Variants in SHANK2 observed in about 807,000 individuals in gnomAD.
SHANK2 encodes the protein SH3 and multiple ankyrin repeat domains protein 2.
A neutral mutation model predicts 133.7 loss-of-function variants in SHANK2; 43 were observed. The ratio of observed to expected loss-of-function variants is 0.32; its 90% CI spans 0.25 to 0.41. The LOEUF (loss-of-function observed/expected upper bound fraction) is 0.41. Among genes scored for constraint, SHANK2 ranks in the 10% least tolerant of loss-of-function variants. The pLI is 1.00. For synonymous variants in SHANK2, 1,017 were observed against 952.8 expected, an observed-to-expected ratio of 1.07 and a Z score of -1.24; for missense variants, 1,994 against 2,235.8, an observed-to-expected ratio of 0.89 and a Z score of 2.18.
intron 11 of SHANK2, chr11:70,873,105 C>T: frequency 2.1e-6 from 1 of 471,250 alleles, no homozygotes; most frequent in Non-Finnish European, 4.4e-6. Context: ...GCAGCTTGGG[C>T]CCTGCAGTTT....
chr11:70,504,937 T>TTCAC (rs1248636518), intron 17 of SHANK2, among the ~76,000 whole-genome samples: 4 of 152,074 alleles, frequency 2.6e-5, no homozygotes, highest in Non-Finnish European at 5.9e-5. Flanking sequence ...CATTCATTCA[T>TTCAC]TCACTCATTC....
intron 14 of SHANK2, among the ~76,000 whole-genome samples, chr11:70,768,005 G>T (rs1947160522): frequency 6.6e-6 from 1 of 152,096 alleles, no homozygotes; most frequent in South Asian, 2.1e-4. Context: ...GCGGGGCAGG[G>T]TGCTAGAAAC....
intron 1 of SHANK2, among the ~76,000 whole-genome samples, chr11:71,237,316 T>G (rs963552480): frequency 3.9e-5 from 6 of 152,182 alleles, no homozygotes; most frequent in Non-Finnish European, 1.5e-5. Flanking sequence ...AGGGGCCAAT[T>G]CTAGCCCCAG....
chr11:70,902,429 C>T (rs146549257), intron 10 of SHANK2, among the ~76,000 whole-genome samples: 9 of 152,380 alleles, frequency 5.9e-5, no homozygotes, highest in Non-Finnish European at 1.2e-4. Flanking sequence ...GGCCGAGGTC[C>T]CAGCCCCTGC....
Position 70,471,536 on chromosome 11 carries a change from T to C in SHANK2, c.*1333A>G, listed in dbSNP as rs555803986. 5.0e-6 allele frequency: 2 copies of C among 397,378 alleles called. No individual in the cohort carries two copies. Among genetic ancestry groups the C allele is most frequent in the East Asian group, 7.1e-5 (2 of 28,062 alleles). 24.6% of individuals were successfully genotyped at this position (397,378 alleles called of 1,614,324 possible). On this transcript the variant is annotated 3_prime_UTR_variant, in exon 26 of 26. Transcript: ENST00000601538. The surrounding 1 kb of genome is among the most constrained non-coding windows in gnomAD (Gnocchi z 4.1). ...GGCTGACCTGGCAGCCCAGGAGACC[T>C]CCCTGCTTTCCTCTCCTCACGCCTC...
chr11:70,704,182 A>G (rs1394505195), intron 14 of SHANK2, among the ~76,000 whole-genome samples: 1 of 152,266 alleles, frequency 6.6e-6, no homozygotes, highest in African/African-American at 2.4e-5. Context: ...ACTGCCCTAG[A>G]GACACAGCTG....
At chr11:70,841,995 GC>G (rs1948914162) in intron 11 of SHANK2, among the ~76,000 whole-genome samples, 1 of 152,020 alleles carries the variant, frequency 6.6e-6, no homozygotes, top group Non-Finnish European at 1.5e-5. Context: ...GGACCTAACT[GC>G]CCTTCTCCCT....
chr11:71,064,226 A>T (rs1389945991), intron 9 of SHANK2, among the ~76,000 whole-genome samples: 1 of 152,154 alleles, frequency 6.6e-6, no homozygotes, highest in African/African-American at 2.4e-5. Flanking sequence ...TGGGCTGGAG[A>T]GGGGGCACAG....
intron 11 of SHANK2, among the ~76,000 whole-genome samples, chr11:70,825,281 T>G (rs1195606716): frequency 2.6e-5 from 4 of 152,180 alleles, no homozygotes; most frequent in African/African-American, 9.6e-5. Context: ...AACCCCCAAC[T>G]GAAATTTTCA....
At chr11:71,163,701 C>T (rs1953077117) in intron 2 of SHANK2, among the ~76,000 whole-genome samples, 1 of 152,172 alleles carries the variant, frequency 6.6e-6, no homozygotes, top group East Asian at 1.9e-4. Context: ...AGATAGTTTG[C>T]TTGTGCAAAA....
chr11:71,090,844 G>A (rs1951504741), intron 8 of SHANK2, among the ~76,000 whole-genome samples: 1 of 152,104 alleles, frequency 6.6e-6, no homozygotes, highest in South Asian at 2.1e-4. Flanking sequence ...GTGTTCAGCG[G>A]GAATCTGGAG....
In SHANK2 at chr11:70,829,736, C is replaced by T. The variant is rs182277664; in HGVS notation, c.1175-9054G>A. ...CTTTCAATAAGCAGACAACTTTTCCCGCCCACACTCGGAGGAGGCTGAGTA... is the reference window on the plus strand; with the variant it reads ...CTTTCAATAAGCAGACAACTTTTCCTGCCCACACTCGGAGGAGGCTGAGTA... On this transcript the variant is annotated intron_variant, in intron 11 of 25. Coordinates refer to ENST00000601538, the MANE Select transcript of SHANK2 (RefSeq NM_012309.5). Among the ~76,000 whole-genome samples, 418 of 152,320 alleles carry T rather than the reference C, an allele frequency of 2.7e-3. 1 individual carries two copies. The highest frequency in any genetic ancestry group is 9.7e-3 in the African/African-American group (404 of 41,564).
intron 15 of SHANK2, among the ~76,000 whole-genome samples, chr11:70,682,336 G>A (rs2134392138): frequency 6.6e-6 from 1 of 152,374 alleles, no homozygotes; most frequent in South Asian, 2.1e-4. Flanking sequence ...CAAACTGCAG[G>A]ATGCTGTGTG....
At chr11:70,583,021 G>T (rs1292451101) in intron 17 of SHANK2, among the ~76,000 whole-genome samples, 1 of 152,140 alleles carries the variant, frequency 6.6e-6, no homozygotes, top group Non-Finnish European at 1.5e-5. Context: ...GTGGCTGGGG[G>T]TGCAGCTCAG....
intron 8 of SHANK2, among the ~76,000 whole-genome samples, chr11:71,092,154 C>T (rs1951529773): frequency 6.6e-6 from 1 of 152,356 alleles, no homozygotes; most frequent in Admixed American, 6.5e-5. Context: ...TCCTGCTGTG[C>T]AGAAACTCAG....
Position 70,658,211 on chromosome 11 carries a change from AC to A in SHANK2, c.2061+1616del, listed in dbSNP as rs1565220228. ...AGGCCCAAGGCCACGCCCCCCCAAC[AC>A]ACACACACACACACACACACACACA... On this transcript the variant is annotated intron_variant, in intron 17 of 25. Transcript: ENST00000601538. Among the ~76,000 whole-genome samples the A allele has an allele frequency of 7.1e-3, 546 of 76,440 alleles. 10 individuals carry two copies. The South Asian group carries it at 0.078, about 11-fold the overall frequency. The allele number at this position is 76,440 out of a possible 152,430, so 50.1% of individuals were successfully genotyped here.
intron 11 of SHANK2, among the ~76,000 whole-genome samples, chr11:70,860,181 C>T (rs879947844): frequency 1.3e-5 from 2 of 152,186 alleles, no homozygotes; most frequent in Admixed American, 1.3e-4. Context: ...CACCTGATCC[C>T]GCCACCTCCA....
intron 17 of SHANK2, among the ~76,000 whole-genome samples, chr11:70,573,557 G>GGGGGGGGGGT (rs1554983581): frequency 7.6e-6 from 1 of 132,016 alleles, no homozygotes; most frequent in Non-Finnish European, 1.6e-5. Context: ...GGCGGGGGGG[G>GGGGGGGGGGT]GGTGGGGCAT....
intron 2 of SHANK2, among the ~76,000 whole-genome samples, chr11:71,160,814 G>A (rs35771293): frequency 1.3e-5 from 2 of 152,120 alleles, no homozygotes; most frequent in Non-Finnish European, 2.9e-5. Context: ...ATCCCTGCTG[G>A]GTTATTTCAG....
Sources: allele counts gnomAD v4.1 joint callset (sites outside exome capture counted in the v4.1 genomes callset), GRCh38; gene constraint gnomAD v4.1.1; non-coding constraint Gnocchi (gnomAD v3.1); transcripts MANE v1.5; gene names NCBI Gene and HGNC (gene_info 2026-07-23, HGNC 2026-07-21).